SETD3: variants seen among roughly 807,000 people sequenced by gnomAD.
SETD3 encodes SET domain containing 3, actin N3(tau)-histidine methyltransferase.
Under a neutral mutation model 63.0 loss-of-function variants are expected in SETD3, and 19 were observed. That is an observed-to-expected ratio of 0.30 (90% confidence interval 0.21 to 0.44). The LOEUF (loss-of-function observed/expected upper bound fraction) is 0.44. SETD3 is among the 20% of genes least tolerant of loss of function. The probability of loss-of-function intolerance (pLI) is 1.00; values close to 1 mark genes in which losing one functional copy is unlikely to be tolerated. For missense variants in SETD3, 587 were observed against 728.5 expected, an observed-to-expected ratio of 0.81 and a Z score of 2.24; for synonymous variants, 286 against 264.1, an observed-to-expected ratio of 1.08 and a Z score of -0.80.
At chr14:99,473,991 G>A (rs537120747) in intron 1 of SETD3, among the ~76,000 whole-genome samples, 92 of 152,268 alleles carry the variant, frequency 6.0e-4, no homozygotes, top group African/African-American at 2.1e-3. Context: ...CAGTTTACAC[G>A]GCTAACCGGC....
At chr14:99,486,040 A>G in the SETD3 span, among the ~76,000 whole-genome samples, 1 of 152,230 alleles carries the variant, frequency 6.6e-6, no homozygotes, top group African/African-American at 2.4e-5. Flanking sequence ...AAACTGTACA[A>G]ATCAGTCGTT....
upstream of SETD3, among the ~76,000 whole-genome samples, chr14:99,482,536 A>C (rs1896371226): frequency 6.6e-6 from 1 of 152,240 alleles, no homozygotes; most frequent in Non-Finnish European, 1.5e-5. Flanking sequence ...TATGAATATA[A>C]TAATTATCCA....
At chr14:99,454,188 G>A (rs1251265629) in intron 6 of SETD3, among the ~76,000 whole-genome samples, 2 of 152,040 alleles carry the variant, frequency 1.3e-5, no homozygotes, top group Non-Finnish European at 2.9e-5. Flanking sequence ...TGAATCTTGG[G>A]AGCAAATGCT....
chr14:99,399,140 C>G lies in SETD3; in HGVS notation c.1339-15G>C, dbSNP rs770253916. On this transcript the variant is annotated splice_polypyrimidine_tract_variant and intron_variant, in intron 12 of 12. Coordinates refer to ENST00000331768, the MANE Select transcript of SETD3 (RefSeq NM_032233.3). ...GATTTATCTTCCTGGAAAACAAGAG[C>G]AAAATTAATTACAAGAAGTCTAAAC... 2 of 1,608,060 alleles carry G rather than the reference C, an allele frequency of 1.2e-6. No individual in the cohort carries two copies. The highest frequency in any genetic ancestry group is 8.5e-7 in the Non-Finnish European group (1 of 1,175,638).
At chr14:99,456,338 T>C (rs1356113408) in intron 6 of SETD3, among the ~76,000 whole-genome samples, 1 of 152,210 alleles carries the variant, frequency 6.6e-6, no homozygotes, top group Non-Finnish European at 1.5e-5. Context: ...GTGCAGACAT[T>C]TGATTACCTG....
At chr14:99,480,866 GC>G, upstream of SETD3, 1 of 155,632 alleles carries the variant, frequency 6.4e-6, no homozygotes, top group Non-Finnish European at 1.4e-5. Flanking sequence ...GCCTGAGACG[GC>G]CCCGCGACCG....
At chr14:99,423,958 T>C (rs1892737659) in intron 6 of SETD3, among the ~76,000 whole-genome samples, 1 of 149,608 alleles carries the variant, frequency 6.7e-6, no homozygotes, top group Non-Finnish European at 1.5e-5. Flanking sequence ...GATTTCACTC[T>C]CTTTTTTTTT....
upstream of SETD3, among the ~76,000 whole-genome samples, chr14:99,484,279 AG>A (rs1896428728): frequency 6.6e-6 from 1 of 152,254 alleles, no homozygotes; most frequent in Non-Finnish European, 1.5e-5. Context: ...ATAAATTGTG[AG>A]GATAAGAAAA....
chr14:99,476,317 T>C (rs942849725), intron 1 of SETD3, among the ~76,000 whole-genome samples: 1 of 152,262 alleles, frequency 6.6e-6, no homozygotes, highest in African/African-American at 2.4e-5. Context: ...TTATCGCTAA[T>C]ATTCAAAATA....
Position 99,405,197 on chromosome 14 carries a change from C to G in SETD3, c.1091+8G>C, listed in dbSNP as rs1360887154. 1 of 1,606,236 alleles carries G rather than the reference C, an allele frequency of 6.2e-7. No individual in the cohort carries two copies. The highest frequency in any genetic ancestry group is 8.5e-7 in the Non-Finnish European group (1 of 1,177,456). The stretch of plus-strand genomic sequence containing the variant: ...CAAGAAAGGGCCAACCGATGTTTTT[C>G]TACGTACGTGGGGATGCCGGCACGA... On this transcript the variant is annotated splice_region_variant and intron_variant, in intron 10 of 12. Transcript: ENST00000331768.
intron 1 of SETD3, among the ~76,000 whole-genome samples, chr14:99,471,522 G>A (rs1299417088): frequency 1.3e-5 from 2 of 152,332 alleles, no homozygotes; most frequent in South Asian, 2.1e-4. Flanking sequence ...ATCATCCCAG[G>A]TGCTCAGGAG....
chr14:99,473,691 T>C (rs1428122445), intron 1 of SETD3, among the ~76,000 whole-genome samples: 1 of 152,182 alleles, frequency 6.6e-6, no homozygotes, highest in African/African-American at 2.4e-5. Flanking sequence ...AATCTTCATG[T>C]AGGAAGAATA....
intron 8 of SETD3, chr14:99,411,421 A>C (rs937100016): frequency 4.6e-5 from 7 of 152,192 alleles, no homozygotes; most frequent in African/African-American, 1.7e-4. Context: ...AATGGATGGA[A>C]GCTTCGCTAG....
At chr14:99,420,645 T>C (rs913595831) in intron 6 of SETD3, among the ~76,000 whole-genome samples, 3 of 152,138 alleles carry the variant, frequency 2.0e-5, no homozygotes, top group African/African-American at 7.2e-5. Context: ...TTCCCTCTTA[T>C]GAACAGAATA....
intron 1 of SETD3, among the ~76,000 whole-genome samples, chr14:99,472,378 T>G (rs779604241): frequency 3.3e-5 from 5 of 152,218 alleles, no homozygotes; most frequent in Non-Finnish European, 5.9e-5. Context: ...CAAAAAAGAT[T>G]CATGCCATGT....
At chr14:99,411,297 T>C (rs1404219843) in intron 8 of SETD3, 2 of 124,268 alleles carry the variant, frequency 1.6e-5, no homozygotes, top group African/African-American at 6.3e-5. Context: ...AATTTCTTTA[T>C]TTTGAGATAA....
chr14:99,406,009 AT>A (rs1891661904), intron 9 of SETD3, among the ~76,000 whole-genome samples: 1 of 152,176 alleles, frequency 6.6e-6, no homozygotes. Flanking sequence ...GTAGGAATTT[AT>A]AGACACGTAT....
chr14:99,406,696 G>A, intron 8 of SETD3, 106 bp from the exon 9 acceptor site: 1 of 1,096,952 alleles, frequency 9.1e-7, no homozygotes, highest in Non-Finnish European at 1.4e-6. Context: ...GGATCCCAAG[G>A]TACTCAAAAG....
At chr14:99,428,489 T>C (rs942982103) in intron 6 of SETD3, among the ~76,000 whole-genome samples, 6 of 151,830 alleles carry the variant, frequency 4.0e-5, no homozygotes, top group Admixed American at 6.6e-5. Flanking sequence ...TACCAAAAAA[T>C]ACAAACATTA....
Sources: allele counts gnomAD v4.1 joint callset (sites outside exome capture counted in the v4.1 genomes callset), GRCh38; gene constraint gnomAD v4.1.1; transcripts MANE v1.5; gene names NCBI Gene and HGNC (gene_info 2026-07-23, HGNC 2026-07-21).